Variants in SGTB observed in about 807,000 individuals in gnomAD.
SGTB encodes small glutamine rich tetratricopeptide repeat co-chaperone beta.
SGTB carries 19 observed loss-of-function variants against 43.9 expected under a neutral mutation model. That is an observed-to-expected ratio of 0.43 (90% CI 0.30 to 0.63). The LOEUF is 0.63. Among genes scored for constraint, SGTB ranks in the 30% least tolerant of loss-of-function variants. The probability of loss-of-function intolerance (pLI) is 0.12; values close to 1 mark genes in which losing one functional copy is unlikely to be tolerated. For missense variants in SGTB, 304 were observed against 358.9 expected, an observed-to-expected ratio of 0.85 and a Z score of 1.24; for synonymous variants, 116 against 117.3, an observed-to-expected ratio of 0.99 and a Z score of 0.07.
chr5:65,678,342 AAG>A (rs1244753865), intron 8 of SGTB, among the ~76,000 whole-genome samples: 3 of 152,210 alleles, frequency 2.0e-5, no homozygotes, highest in African/African-American at 7.2e-5. Flanking sequence ...TCAAGGAAAT[AAG>A]AGAGAACAGA....
chr5:65,678,483 T>C (rs567810800), intron 8 of SGTB, among the ~76,000 whole-genome samples: 1 of 152,266 alleles, frequency 6.6e-6, no homozygotes, highest in Non-Finnish European at 1.5e-5. Flanking sequence ...CTTCACAGAA[T>C]TAGAAAAAAC....
chr5:65,684,745 G>A (rs1455742400), intron 6 of SGTB, among the ~76,000 whole-genome samples: 2 of 152,024 alleles, frequency 1.3e-5, no homozygotes, highest in Admixed American at 6.5e-5. Context: ...TAGAGACGGG[G>A]TTTCACCATG....
At chr5:65,703,400 G>C (rs572448198) in intron 5 of SGTB, among the ~76,000 whole-genome samples, 2 of 152,318 alleles carry the variant, frequency 1.3e-5, no homozygotes, top group Admixed American at 6.5e-5. Flanking sequence ...AGTGAACAAA[G>C]GTGAATCTAA....
At chr5:65,671,536 A>G (rs922844312) in intron 10 of SGTB, among the ~76,000 whole-genome samples, 1 of 151,894 alleles carries the variant, frequency 6.6e-6, no homozygotes, top group Non-Finnish European at 1.5e-5. Context: ...TACTTTTCTA[A>G]TATCTGTCCC....
intron 5 of SGTB, among the ~76,000 whole-genome samples, chr5:65,704,035 C>CAA (rs11405488): frequency 0.012 from 1,600 of 133,274 alleles, 16 homozygotes; most frequent in South Asian, 0.053. Context: ...GACTCCGTCT[C>CAA]AAAAAAAAAA....
rs1757886833 is a variant in SGTB at position 65,704,218 on chromosome 5, T to C, written c.374+61A>G. On this transcript the variant is annotated intron_variant, in intron 5 of 10. Transcript: ENST00000381007. The stretch of plus-strand genomic sequence containing the variant: ...TAAATAATTAAGATTTGCATTTTCC[T>C]TCAGAGCTATTAATCTAAATGTTTA... 3 of 1,199,406 alleles carry C rather than the reference T, an allele frequency of 2.5e-6. No individual in the cohort carries two copies. The East Asian group carries it at 7.6e-5, about 30-fold the overall frequency. 74.3% of individuals were successfully genotyped at this position (1,199,406 alleles called of 1,614,324 possible).
chr5:65,717,949 T>C (rs114893834), intron 2 of SGTB, among the ~76,000 whole-genome samples: 22 of 152,144 alleles, frequency 1.4e-4, no homozygotes, highest in Non-Finnish European at 2.6e-4. Flanking sequence ...GGAATAATTA[T>C]AATTATCAAC....
At chr5:65,700,696 A>G (rs1467084612) in intron 5 of SGTB, among the ~76,000 whole-genome samples, 3 of 148,196 alleles carry the variant, frequency 2.0e-5, no homozygotes, top group African/African-American at 5.0e-5. Flanking sequence ...AAAAAAAAAA[A>G]AAGAAAGAAA....
chr5:65,682,612 G>A (rs1757418960), intron 6 of SGTB, among the ~76,000 whole-genome samples: 1 of 152,186 alleles, frequency 6.6e-6, no homozygotes. Flanking sequence ...TAATAACAAT[G>A]AAGGATGACT....
intron 2 of SGTB, among the ~76,000 whole-genome samples, chr5:65,719,892 T>C (rs773898074): frequency 1.3e-5 from 2 of 152,146 alleles, no homozygotes; most frequent in African/African-American, 2.4e-5. Context: ...AGTGGTATAA[T>C]TATTAGACTT....
At chr5:65,690,149 T>C (rs930699494) in intron 5 of SGTB, among the ~76,000 whole-genome samples, 1 of 151,796 alleles carries the variant, frequency 6.6e-6, no homozygotes, top group Admixed American at 6.6e-5. Flanking sequence ...AAAGGATGCT[T>C]AAAAAGAGCC....
At chr5:65,696,274 C>G (rs1247007884) in intron 5 of SGTB, among the ~76,000 whole-genome samples, 1 of 152,202 alleles carries the variant, frequency 6.6e-6, no homozygotes, top group African/African-American at 2.4e-5. Context: ...CTCTCTCTCT[C>G]CTGTCTTTTA....
chr5:65,679,245 T>G (rs1489863671), intron 8 of SGTB, among the ~76,000 whole-genome samples: 1 of 151,880 alleles, frequency 6.6e-6, no homozygotes, highest in Non-Finnish European at 1.5e-5. Flanking sequence ...AAAAAACAGC[T>G]CAACATCATT....
At chr5:65,688,415 G>A (rs1262097246) in intron 5 of SGTB, among the ~76,000 whole-genome samples, 3 of 152,178 alleles carry the variant, frequency 2.0e-5, no homozygotes, top group Admixed American at 1.3e-4. Context: ...TTTCTGCCAA[G>A]AGTCTCACCT....
chr5:65,707,134 G>C (rs972900712), intron 4 of SGTB, among the ~76,000 whole-genome samples: 1 of 148,666 alleles, frequency 6.7e-6, no homozygotes, highest in Non-Finnish European at 1.5e-5. Context: ...GTGGTGGCAC[G>C]CGCCTATGAT....
At chr5:65,704,497 C>G in intron 4 of SGTB, 119 bp from the exon 5 acceptor site, 1 of 690,034 alleles carries the variant, frequency 1.4e-6, no homozygotes, top group Non-Finnish European at 2.1e-6. Flanking sequence ...CATGATTTTT[C>G]AGTCACACTG....
Position 65,667,067 on chromosome 5 carries a change from A to C in SGTB, c.*3179T>G, listed in dbSNP as rs1410577422. 1 of 152,154 alleles carries C rather than the reference A, an allele frequency of 6.6e-6. No homozygotes were observed. Among genetic ancestry groups the C allele is most frequent in the African/African-American group, 2.4e-5 (1 of 41,442 alleles). 9.4% of individuals were successfully genotyped at this position (152,154 alleles called of 1,614,324 possible). A position where few individuals can be genotyped will look rare whatever the true frequency, so the allele number is the denominator to read the frequency against. On this transcript the variant is annotated 3_prime_UTR_variant, in exon 11 of 11. Transcript: ENST00000381007. Reference sequence around the variant, plus strand: ...AGTTTTCTTTACTGGAAGGTTTTTAACTTAACCACAAACTCAATTTCCTTA... The same window carrying C: ...AGTTTTCTTTACTGGAAGGTTTTTACCTTAACCACAAACTCAATTTCCTTA...
chr5:65,688,157 CTTT>C (rs905777915), intron 5 of SGTB, among the ~76,000 whole-genome samples: 1 of 152,074 alleles, frequency 6.6e-6, no homozygotes, highest in Non-Finnish European at 1.5e-5. Flanking sequence ...AGTTAATGGA[CTTT>C]TTGAGACAGA....
At position 65,667,235 on chromosome 5, in the gene SGTB, A is replaced by G. The variant is rs1473300366; in HGVS notation, c.*3011T>C. ...TTTTCTAGTTAGCCTTTTAATAACT[A>G]TAGTGTCTGTAGTGTATTCCCTTTC... is the stretch of plus-strand genomic sequence containing the variant. On this transcript the variant is annotated 3_prime_UTR_variant, in exon 11 of 11. Transcript: ENST00000381007. 8.1e-6 allele frequency: 1 copy of G among 123,094 alleles called. No homozygotes were observed. Among genetic ancestry groups the G allele is most frequent in the South Asian group, 2.8e-4 (1 of 3,564 alleles). The allele number at this position is 123,094 out of a possible 1,614,324, so 7.6% of individuals were successfully genotyped here.
Sources: allele counts gnomAD v4.1 joint callset (sites outside exome capture counted in the v4.1 genomes callset), GRCh38; gene constraint gnomAD v4.1.1; transcripts MANE v1.5; gene names NCBI Gene and HGNC (gene_info 2026-07-23, HGNC 2026-07-21).